The following ADCY7 variants were observed in gnomAD, a reference collection of about 807,000 sequenced individuals.
The protein encoded by ADCY7 is adenylate cyclase type 7.
Under a neutral mutation model 120.6 loss-of-function variants are expected in ADCY7, and 72 were observed. The observed-to-expected ratio is 0.60, with a 90% CI of 0.49 to 0.73. The LOEUF is 0.73. ADCY7 is among the 30% of genes least tolerant of loss of function. The pLI is 0.00. For synonymous variants in ADCY7, 661 were observed against 628.0 expected (o/e 1.05, Z -0.78); for missense variants, 1,227 against 1,486.0 (o/e 0.83, Z 2.87).
chr16:50,299,524 C>T (rs867958178), intron 8 of ADCY7, among the ~76,000 whole-genome samples: 3 of 152,204 alleles, frequency 2.0e-5, no homozygotes, highest in Non-Finnish European at 2.9e-5. Context: ...AGGAATTTGC[C>T]GAGAGGGCTG....
chr16:50,259,321 G>C (rs1219670925), intron 1 of ADCY7, among the ~76,000 whole-genome samples: 1 of 152,222 alleles, frequency 6.6e-6, no homozygotes, highest in Non-Finnish European at 1.5e-5. Context: ...TTGAGGATCT[G>C]GTGGGAGGGA....
chr16:50,300,635 T>C, intron 8 of ADCY7, 80 bp from the exon 9 acceptor site: 1 of 1,508,570 alleles, frequency 6.6e-7, no homozygotes, highest in Non-Finnish European at 8.9e-7. Context: ...CATGCTGCCC[T>C]GTACCCACCC....
At position 50,315,048 on chromosome 16, in the gene ADCY7, T is replaced by C. The variant is rs746444052; in HGVS notation, c.3006T>C (p.Ile1002=). 3.7e-6 allele frequency: 6 copies of C among 1,614,212 alleles called. No homozygotes were observed. In the African/African-American group the frequency reaches 4.0e-5, roughly 11 times the overall value. Residue 1002 remains isoleucine, a synonymous_variant, in exon 25 of 26, where the codon ATT becomes ATC. Transcript: ENST00000673801. ...ATGGGCCTGTGATTGCTGGAGTGAT[T>C]GGGGCCCGAAAACCTCAGTATGACA... ...INHGPVIAGV[I]GARKPQYDIW... is the part of the protein sequence containing the mutation.
chr16:50,294,686 T>A lies in ADCY7; in HGVS notation c.883T>A (p.Cys295Ser), dbSNP rs1160247082. ...GGGCTTCACGCAGCTGGCCAGCGAC[T>A]GTTCTCCCAAGGAGCTGGTGGTGGT... ...IVGFTQLASD[C>S]SPKELVVVLN... The change falls in exon 7 of 26, where the codon TGT (cysteine) becomes AGT (serine). Residue 295 changes from cysteine to serine, a missense_variant. Cys to Ser is a moderately radical substitution (Grantham distance 112). This residue lies in a region of ADCY7 where 382 missense variants were observed against 411.4 expected (regional missense o/e 0.93). Coordinates refer to ENST00000673801, the MANE Select transcript of ADCY7 (RefSeq NM_001114.5). 6.4e-7 allele frequency: 1 copy of A among 1,570,176 alleles called. No homozygotes were observed. Among genetic ancestry groups the A allele is most frequent in the Non-Finnish European group, 8.7e-7 (1 of 1,147,946 alleles).
chr16:50,276,651 G>T (rs962764187), intron 1 of ADCY7, among the ~76,000 whole-genome samples: 4 of 152,214 alleles, frequency 2.6e-5, no homozygotes, highest in African/African-American at 9.7e-5. Context: ...GCTGGAATGT[G>T]GTGGCACAAT....
rs1035321841 is a variant in ADCY7 at position 50,315,544 on chromosome 16, C to T, written c.*39C>T. The T allele has an allele frequency of 2.5e-6, 4 of 1,592,788 alleles. No individual in the cohort carries two copies. Among genetic ancestry groups the T allele is most frequent in the Non-Finnish European group, 3.4e-6 (4 of 1,162,700 alleles). ...ATTCCGAAAAGGCCGGGAAGCCAGT[C>T]TCCTTCCCTGAAGCAAGCCCAGGAG... On this transcript the variant is annotated 3_prime_UTR_variant, in exon 26 of 26. Transcript: ENST00000673801.
intron 1 of ADCY7, among the ~76,000 whole-genome samples, chr16:50,267,034 C>G (rs1478419272): frequency 6.6e-6 from 1 of 152,206 alleles, no homozygotes; most frequent in Non-Finnish European, 1.5e-5. Context: ...TTTACATTTA[C>G]AAGCACACAT....
rs567876482 is a variant in ADCY7 at position 50,296,392 on chromosome 16, C to T, written c.948+1641C>T. ...TTTTTTTTTTTGAGACGGAGTCTTGCTCTGTTGCCCAGGCTGGAGTGCAGT... is the reference window on the plus strand; with the variant it reads ...TTTTTTTTTTTGAGACGGAGTCTTGTTCTGTTGCCCAGGCTGGAGTGCAGT... On this transcript the variant is annotated intron_variant, in intron 7 of 25. Transcript: ENST00000673801. Among the ~76,000 whole-genome samples, 113 of 139,686 alleles carry T rather than the reference C, an allele frequency of 8.1e-4. 1 individual carries two copies. The highest frequency in any genetic ancestry group is 2.9e-3 in the African/African-American group (107 of 37,132). The allele number at this position is 139,686 out of a possible 152,430, so 91.6% of individuals were successfully genotyped here. A position where few individuals can be genotyped will look rare whatever the true frequency, so the allele number is the denominator to read the frequency against.
At chr16:50,264,988 C>T (rs967721285), upstream of ADCY7, among the ~76,000 whole-genome samples, 2 of 152,012 alleles carry the variant, frequency 1.3e-5, no homozygotes, top group Non-Finnish European at 2.9e-5. Context: ...AGGCTCATGC[C>T]ACCACGCCTG....
At chr16:50,296,110 T>C (rs2035333477) in intron 7 of ADCY7, among the ~76,000 whole-genome samples, 1 of 152,190 alleles carries the variant, frequency 6.6e-6, no homozygotes, top group Non-Finnish European at 1.5e-5. Context: ...TGAAGTGCAA[T>C]GGCATAATCA....
rs1355514618 is a variant in ADCY7, at chr16:50,250,230, C to T, written c.-64+4027C>T. 3.9e-5 allele frequency among the ~76,000 whole-genome samples: 6 copies of T among 152,008 alleles called. No individual in the cohort carries two copies. The South Asian group carries it at 6.2e-4, about 16-fold the overall frequency. On this transcript the variant is annotated intron_variant, in intron 1 of 4. Transcript: ENST00000564044. ...CAGCACACTGGGAGGCCGAGGCGGG[C>T]GGATCACTTGAGCTCAGGAGTTCGT...
At chr16:50,315,224 C>T in intron 25 of ADCY7, 86 bp downstream of exon 25, 1 of 1,573,960 alleles carries the variant, frequency 6.4e-7, no homozygotes, top group Non-Finnish European at 8.7e-7. Context: ...GCTGCTGTCT[C>T]ACCCAGCAGC....
At chr16:50,262,667 C>A (rs545263620), upstream of ADCY7, among the ~76,000 whole-genome samples, 1 of 152,152 alleles carries the variant, frequency 6.6e-6, no homozygotes, top group African/African-American at 2.4e-5. Context: ...TTGATGGGCA[C>A]CTCTTACCTC....
intron 1 of ADCY7, among the ~76,000 whole-genome samples, chr16:50,260,606 G>C (rs1381672907): frequency 6.6e-6 from 1 of 152,232 alleles, no homozygotes; most frequent in African/African-American, 2.4e-5. Flanking sequence ...GGCTGAGCTG[G>C]GTGCTTCTGG....
At chr16:50,298,487 T>A (rs1294817707) in intron 7 of ADCY7, among the ~76,000 whole-genome samples, 2 of 152,172 alleles carry the variant, frequency 1.3e-5, no homozygotes, top group Non-Finnish European at 2.9e-5. Flanking sequence ...CACACTGTTT[T>A]GTTTTTGTCT....
At chr16:50,308,979 G>A in intron 17 of ADCY7, 187 bp downstream of exon 17, 1 of 644,528 alleles carries the variant, frequency 1.6e-6, no homozygotes, top group East Asian at 3.2e-5. Context: ...GCGGACTTTG[G>A]GGGCCCAGAG....
At chr16:50,314,472 G>T in intron 24 of ADCY7, 66 bp downstream of exon 24, 1 of 1,213,182 alleles carries the variant, frequency 8.2e-7, no homozygotes. Context: ...CAGTCTGTGT[G>T]GCACAGCTGC....
Position 50,308,401 on chromosome 16 carries a change from C to A in ADCY7, c.1925C>A (p.Thr642Asn). 1 of 1,614,180 alleles carries A rather than the reference C, an allele frequency of 6.2e-7. No individual in the cohort carries two copies. The highest frequency in any genetic ancestry group is 1.1e-5 in the South Asian group (1 of 91,076). Residue 642 changes from threonine (T) to asparagine (N), a missense_variant, in exon 16 of 26, where the codon ACC (threonine) becomes AAC (asparagine). Coordinates refer to ENST00000673801, the MANE Select transcript of ADCY7 (RefSeq NM_001114.5). ...CTGGTGCTGGGCCTGTGCTTTGCCACCAAGTTCTCGGTAAGTGGGGAGCTC... is the reference window on the plus strand; with the variant it reads ...CTGGTGCTGGGCCTGTGCTTTGCCAACAAGTTCTCGGTAAGTGGGGAGCTC... ...LGLVLGLCFA[T>N]KFSRCCPARG... is the part of the protein sequence containing the mutation.
chr16:50,279,181 C>G (rs2034100475), intron 1 of ADCY7, among the ~76,000 whole-genome samples: 1 of 152,138 alleles, frequency 6.6e-6, no homozygotes. Flanking sequence ...CTATGGAGCT[C>G]TTCTTGTACC....
Sources: allele counts gnomAD v4.1 joint callset (sites outside exome capture counted in the v4.1 genomes callset), GRCh38; gene constraint gnomAD v4.1.1; regional missense constraint gnomAD v4.1.1; transcripts MANE v1.5; gene names NCBI Gene and HGNC (gene_info 2026-07-23, HGNC 2026-07-21).